Variants in ABCA5 observed in about 807,000 individuals in gnomAD.
The protein encoded by ABCA5 is cholesterol transporter ABCA5.
ABCA5 carries 163 observed loss-of-function variants against 206.0 expected under a neutral mutation model. The observed-to-expected ratio is 0.79, with a 90% CI of 0.70 to 0.90. The LOEUF is 0.90. Ranked by LOEUF, ABCA5 falls within the 40% of genes least tolerant of loss-of-function variation. The pLI, the probability that ABCA5 is intolerant of heterozygous loss-of-function variation, is 0.00. For synonymous variants in ABCA5, 609 were observed against 613.8 expected (o/e 0.99, Z 0.11); for missense variants, 1,859 against 1,912.9 (o/e 0.97, Z 0.53).
At chr17:69,309,502 G>T (rs2075750306) in intron 3 of ABCA5, 79 bp from the exon 4 acceptor site, 1 of 1,038,452 alleles carries the variant, frequency 9.6e-7, no homozygotes, top group Non-Finnish European at 1.3e-6. Context: ...CAATTATTTT[G>T]ATGAATGGAA....
At chr17:69,310,637 A>G (rs1341450335) in intron 3 of ABCA5, among the ~76,000 whole-genome samples, 3 of 152,340 alleles carry the variant, frequency 2.0e-5, no homozygotes, top group Non-Finnish European at 4.4e-5. Context: ...TACTGTAATC[A>G]TTCTTTCTCA....
At chr17:69,290,598 A>C (rs2075515401) in intron 12 of ABCA5, among the ~76,000 whole-genome samples, 1 of 152,152 alleles carries the variant, frequency 6.6e-6, no homozygotes, top group Admixed American at 6.5e-5. Flanking sequence ...CTAAGGACAA[A>C]GAACAAAATC....
chr17:69,282,039 T>C (rs1378528666), intron 18 of ABCA5, among the ~76,000 whole-genome samples: 1 of 152,180 alleles, frequency 6.6e-6, no homozygotes, highest in Non-Finnish European at 1.5e-5. Context: ...GTTCTTACCG[T>C]AAACTGAATA....
At chr17:69,264,288 T>G (rs1383549731) in intron 24 of ABCA5, among the ~76,000 whole-genome samples, 1 of 152,184 alleles carries the variant, frequency 6.6e-6, no homozygotes, top group Non-Finnish European at 1.5e-5. Context: ...GTATTTTAAT[T>G]TTTTGTGGCT....
chr17:69,291,983 C>A (rs542647968), intron 11 of ABCA5, among the ~76,000 whole-genome samples: 1 of 151,946 alleles, frequency 6.6e-6, no homozygotes, highest in Non-Finnish European at 1.5e-5. Flanking sequence ...CATGGTGGCA[C>A]CTGTAGTCCC....
At chr17:69,277,926 A>T (rs2075351824) in intron 18 of ABCA5, 84 bp from the exon 19 acceptor site, 4 of 1,047,192 alleles carry the variant, frequency 3.8e-6, no homozygotes, top group Non-Finnish European at 5.4e-6. Context: ...TTAAAGAAGC[A>T]TTGGTCTGGC....
chr17:69,303,658 C>T (rs1222210084), intron 7 of ABCA5, among the ~76,000 whole-genome samples: 1 of 134,182 alleles, frequency 7.5e-6, no homozygotes, highest in Non-Finnish European at 1.6e-5. Flanking sequence ...GCTGCAGTGG[C>T]TCGCTCATGT....
At chr17:69,271,781 G>A (rs1400747682) in intron 20 of ABCA5, among the ~76,000 whole-genome samples, 1 of 152,140 alleles carries the variant, frequency 6.6e-6, no homozygotes, top group Non-Finnish European at 1.5e-5. Context: ...AAGATAACCT[G>A]CTAAGTTCAG....
chr17:69,296,938 C>T (rs1055367859), intron 10 of ABCA5, among the ~76,000 whole-genome samples: 4 of 152,128 alleles, frequency 2.6e-5, no homozygotes, highest in Non-Finnish European at 5.9e-5. Flanking sequence ...GTGCTCCAGG[C>T]TGGGCGACAG....
intron 3 of ABCA5, among the ~76,000 whole-genome samples, chr17:69,310,636 C>T (rs1381137576): frequency 6.6e-6 from 1 of 152,172 alleles, no homozygotes; most frequent in African/African-American, 2.4e-5. Context: ...ATACTGTAAT[C>T]ATTCTTTCTC....
Position 69,264,739 on chromosome 17 carries a change from G to A in ABCA5, c.3311C>T (p.Ala1104Val), listed in dbSNP as rs759292329. Residue 1104 changes from alanine to valine, a missense_variant, in exon 24 of 39, where the codon GCT (alanine) becomes GTT (valine). By Grantham distance (64) the Ala-to-Val change is moderately conservative. Transcript: ENST00000392676. ...GLYFYTVKFLAVVFCLIGYVP... is the reference protein window; with the variant it reads ...GLYFYTVKFLVVVFCLIGYVP... ...GTACAACTAACGTTAACTTACCACA[G>A]CAAGGAACTTTACAGTATAAAAATA... 3.3e-6 allele frequency: 5 copies of A among 1,533,642 alleles called. No homozygotes were observed. The highest frequency in any genetic ancestry group is 2.1e-5 in the Admixed American group (1 of 47,494).
chr17:69,248,709 T>TTTGTTTTG (rs1249621620), intron 37 of ABCA5: 1 of 162,306 alleles, frequency 6.2e-6, no homozygotes, highest in African/African-American at 2.4e-5. Context: ...TTTGTTTTGT[T>TTTGTTTTG]TTGTTTTGTT....
chr17:69,295,200 A>C (rs189569249), intron 10 of ABCA5, among the ~76,000 whole-genome samples: 12 of 152,328 alleles, frequency 7.9e-5, no homozygotes, highest in African/African-American at 2.6e-4. Context: ...TGCACAGTCT[A>C]TCTGAAATGA....
intron 4 of ABCA5, 113 bp from the exon 5 acceptor site, chr17:69,308,481 C>T: frequency 1.7e-6 from 1 of 598,504 alleles, no homozygotes; most frequent in African/African-American, 1.8e-5. Flanking sequence ...TCAATCTTTA[C>T]AGGACCAAAG....
At chr17:69,306,673 A>G (rs2075719857) in intron 6 of ABCA5, 52 bp downstream of exon 6, 1 of 905,212 alleles carries the variant, frequency 1.1e-6, no homozygotes, top group Non-Finnish European at 1.5e-6. Context: ...GAAAATCTGT[A>G]TATTTAATAC....
At chr17:69,277,960 C>G in intron 18 of ABCA5, 118 bp from the exon 19 acceptor site, 1 of 688,204 alleles carries the variant, frequency 1.5e-6, no homozygotes, top group Non-Finnish European at 2.3e-6. Flanking sequence ...AAATGGAACT[C>G]TCTTATATTC....
intron 18 of ABCA5, among the ~76,000 whole-genome samples, chr17:69,279,869 T>C (rs1003371872): frequency 1.3e-5 from 2 of 152,156 alleles, no homozygotes; most frequent in African/African-American, 4.8e-5. Flanking sequence ...TTACACCTTG[T>C]ACAAAAATCA....
intron 25 of ABCA5, 149 bp downstream of exon 25, chr17:69,261,486 A>T (rs1567754192): frequency 8.2e-6 from 5 of 611,464 alleles, no homozygotes; most frequent in Non-Finnish European, 1.4e-5. Flanking sequence ...ATGATTCAGA[A>T]GACAAATGTA....
intron 23 of ABCA5, among the ~76,000 whole-genome samples, chr17:69,266,312 A>G (rs150582278): frequency 6.6e-6 from 1 of 152,190 alleles, no homozygotes; most frequent in Non-Finnish European, 1.5e-5. Context: ...AATGTTCTGT[A>G]TCTTGACTGT....
Sources: gnomAD v4.1 joint callset for allele counts (sites outside exome capture counted in the v4.1 genomes callset) on GRCh38, gnomAD v4.1.1 for gene constraint, MANE v1.5 for transcripts, NCBI Gene and HGNC (gene_info 2026-07-23, HGNC 2026-07-21) for gene names.